C1QTNF3: variants seen among roughly 807,000 people sequenced by gnomAD.
C1QTNF3 encodes the protein complement C1q tumor necrosis factor-related protein 3.
Under a neutral mutation model 32.6 loss-of-function variants are expected in C1QTNF3, and 26 were observed. That is an observed-to-expected ratio of 0.80 (90% CI 0.58 to 1.11). The LOEUF (loss-of-function observed/expected upper bound fraction) is 1.11, where lower values mean the gene tolerates loss of function less well. C1QTNF3 is among the 50% of genes least tolerant of loss of function. C1QTNF3 has a pLI of 0.00. For missense variants in C1QTNF3, 362 were observed against 398.2 expected, an observed-to-expected ratio of 0.91 and a Z score of 0.77; for synonymous variants, 155 against 146.0, an observed-to-expected ratio of 1.06 and a Z score of -0.44.
the C1QTNF3 span, among the ~76,000 whole-genome samples, chr5:34,224,459 G>T: frequency 6.6e-6 from 1 of 152,120 alleles, no homozygotes; most frequent in Admixed American, 6.6e-5. Context: ...CAGACATATA[G>T]ATCAATGGAA....
chr5:34,194,947 C>T, the C1QTNF3 span, among the ~76,000 whole-genome samples: 15 of 149,180 alleles, frequency 1.0e-4, no homozygotes, highest in Non-Finnish European at 2.1e-4. Context: ...AAAGTCTTTA[C>T]ATGTTCAGTA....
At chr5:34,138,580 G>C in the C1QTNF3 span, among the ~76,000 whole-genome samples, 1 of 151,902 alleles carries the variant, frequency 6.6e-6, no homozygotes, top group African/African-American at 2.4e-5. Flanking sequence ...TCTCTCACTT[G>C]AATTCTATGA....
chr5:34,210,199 A>T, the C1QTNF3 span, among the ~76,000 whole-genome samples: 1 of 152,068 alleles, frequency 6.6e-6, no homozygotes, highest in East Asian at 1.9e-4. Flanking sequence ...TGGCATAATT[A>T]TGATTTGTTG....
At chr5:34,054,238 C>T in the C1QTNF3 span, among the ~76,000 whole-genome samples, 1 of 152,158 alleles carries the variant, frequency 6.6e-6, no homozygotes, top group Non-Finnish European at 1.5e-5. Context: ...TCTTAGCCCA[C>T]TGAAAAAGAG....
chr5:34,028,031 C>G (rs1313734223), intron 4 of C1QTNF3, among the ~76,000 whole-genome samples: 4 of 151,690 alleles, frequency 2.6e-5, no homozygotes, highest in Non-Finnish European at 5.9e-5. Flanking sequence ...GGAGTGCAGT[C>G]GCGCGATCTC....
chr5:34,234,583 AACAC>A, the C1QTNF3 span, among the ~76,000 whole-genome samples: 5 of 152,102 alleles, frequency 3.3e-5, no homozygotes, highest in African/African-American at 1.2e-4. Flanking sequence ...ATAAAGTCAA[AACAC>A]AAATTATCTG....
the C1QTNF3 span, among the ~76,000 whole-genome samples, chr5:34,069,040 T>A: frequency 2.0e-5 from 3 of 146,678 alleles, no homozygotes; most frequent in Non-Finnish European, 4.5e-5. Flanking sequence ...AACCTTTTCA[T>A]TAGTTAGATT....
chr5:34,032,211 T>G (rs750427964), intron 3 of C1QTNF3, among the ~76,000 whole-genome samples: 13 of 152,226 alleles, frequency 8.5e-5, no homozygotes, highest in Non-Finnish European at 7.3e-5. Flanking sequence ...CTCCTCCACC[T>G]TCCAGAAATA....
At chr5:34,113,325 T>C in the C1QTNF3 span, among the ~76,000 whole-genome samples, 4 of 151,004 alleles carry the variant, frequency 2.6e-5, no homozygotes, top group African/African-American at 9.7e-5. Context: ...TACCATGTGG[T>C]CACCAGGCAG....
chr5:34,040,369 A>G (rs1754838621), intron 1 of C1QTNF3, among the ~76,000 whole-genome samples: 1 of 152,166 alleles, frequency 6.6e-6, no homozygotes, highest in African/African-American at 2.4e-5. Context: ...AAGGAGAGTC[A>G]TAGCTCCTTT....
chr5:34,128,459 C>T, the C1QTNF3 span, among the ~76,000 whole-genome samples: 6 of 152,288 alleles, frequency 3.9e-5, no homozygotes, highest in African/African-American at 7.2e-5. Context: ...ATAAATTCAC[C>T]GATAGCTCGC....
At chr5:34,064,182 C>T in the C1QTNF3 span, among the ~76,000 whole-genome samples, 2 of 152,196 alleles carry the variant, frequency 1.3e-5, no homozygotes, top group Non-Finnish European at 2.9e-5. Context: ...TTTAACCAGC[C>T]AACAGGTGCC....
At chr5:34,187,991 G>A in the C1QTNF3 span, among the ~76,000 whole-genome samples, 2 of 152,424 alleles carry the variant, frequency 1.3e-5, no homozygotes, top group South Asian at 2.1e-4. Context: ...TGTGAGTCCA[G>A]AACCCCCTGC....
At chr5:34,244,486 T>C in the C1QTNF3 span, 2 of 152,210 alleles carry the variant, frequency 1.3e-5, no homozygotes, top group African/African-American at 4.8e-5. Flanking sequence ...GTCCATTTCA[T>C]AGAGAGCTGA....
At chr5:34,169,076 G>A in the C1QTNF3 span, 2 of 152,062 alleles carry the variant, frequency 1.3e-5, no homozygotes, top group South Asian at 2.1e-4. Flanking sequence ...CCCTCTGGCG[G>A]GTGCAGCAAC....
intron 3 of C1QTNF3, among the ~76,000 whole-genome samples, chr5:34,031,623 A>T (rs1754616184): frequency 6.6e-6 from 1 of 152,182 alleles, no homozygotes; most frequent in Non-Finnish European, 1.5e-5. Context: ...ACTGGAGGCC[A>T]GGAGTTTGAG....
chr5:34,038,945 G>A (rs1322732049), intron 1 of C1QTNF3, among the ~76,000 whole-genome samples: 3 of 152,142 alleles, frequency 2.0e-5, no homozygotes, highest in Non-Finnish European at 2.9e-5. Context: ...AGCCAGTGCC[G>A]GGTAAAGGCA....
the C1QTNF3 span, chr5:34,165,774 T>G: frequency 6.6e-6 from 1 of 151,568 alleles, no homozygotes; most frequent in Non-Finnish European, 1.5e-5. Flanking sequence ...GTTGTATGAA[T>G]GTATTCAAAA....
chr5:34,123,166 A>G, the C1QTNF3 span, among the ~76,000 whole-genome samples: 2 of 152,230 alleles, frequency 1.3e-5, no homozygotes, highest in Non-Finnish European at 2.9e-5. Context: ...GAGAACTGCC[A>G]TGGGGACAGG....
Sources: allele counts gnomAD v4.1 joint callset (sites outside exome capture counted in the v4.1 genomes callset), GRCh38; gene constraint gnomAD v4.1.1; transcripts MANE v1.5; gene names NCBI Gene and HGNC (gene_info 2026-07-23, HGNC 2026-07-21).